The following C12orf42 variants were observed in gnomAD, a reference collection of about 807,000 sequenced individuals.
C12orf42 encodes chromosome 12 open reading frame 42, also known as uncharacterized protein C12orf42.
C12orf42 carries 25 observed loss-of-function variants against 21.6 expected under a neutral mutation model. The observed-to-expected ratio is 1.16, with a 90% CI of 0.84 to 1.62. The LOEUF (loss-of-function observed/expected upper bound fraction) is 1.62, where lower values mean the gene tolerates loss of function less well. Ranked by LOEUF, C12orf42 falls within the 40% of genes most tolerant of loss-of-function variation. The pLI is 0.00. For synonymous variants in C12orf42, 174 were observed against 175.0 expected (o/e 0.99, Z 0.05); for missense variants, 483 against 459.3 (o/e 1.05, Z -0.47).
intron 10 of C12orf42, among the ~76,000 whole-genome samples, chr12:103,246,849 T>C (rs964904008): frequency 2.0e-5 from 3 of 152,032 alleles, no homozygotes; most frequent in African/African-American, 7.2e-5. Context: ...CAGAGGCTCA[T>C]TATTGTAGGT....
intron 3 of C12orf42, among the ~76,000 whole-genome samples, chr12:103,381,532 C>T (rs2046170391): frequency 1.3e-5 from 2 of 152,190 alleles, no homozygotes; most frequent in African/African-American, 4.8e-5. Flanking sequence ...GTGTACTCAT[C>T]AGCACTCAGA....
At chr12:103,075,182 G>A in the C12orf42 span, among the ~76,000 whole-genome samples, 8 of 152,000 alleles carry the variant, frequency 5.3e-5, no homozygotes, top group Non-Finnish European at 1.0e-4. Context: ...TTTTCCCCAG[G>A]TTTAATGCTC....
At chr12:103,242,557 T>C (rs1278278193) in intron 10 of C12orf42, among the ~76,000 whole-genome samples, 1 of 152,126 alleles carries the variant, frequency 6.6e-6, no homozygotes, top group Non-Finnish European at 1.5e-5. Context: ...TTAAAAAAAT[T>C]TAAAAGGTCA....
At chr12:103,084,191 A>G in the C12orf42 span, among the ~76,000 whole-genome samples, 5 of 152,274 alleles carry the variant, frequency 3.3e-5, no homozygotes, top group Middle Eastern at 3.4e-3. Flanking sequence ...AATTGCTCCT[A>G]TCTGTTCAAT....
intron 5 of C12orf42, among the ~76,000 whole-genome samples, chr12:103,304,541 T>C (rs2038077141): frequency 6.6e-6 from 1 of 152,150 alleles, no homozygotes. Flanking sequence ...ATCAAGTACA[T>C]GGCAAGTGCT....
At chr12:103,332,712 G>A (rs564111493) in intron 4 of C12orf42, among the ~76,000 whole-genome samples, 1 of 152,216 alleles carries the variant, frequency 6.6e-6, no homozygotes, top group Non-Finnish European at 1.5e-5. Context: ...GATATGTAAA[G>A]GTCCCAACTG....
chr12:103,481,710 T>A (rs988811557), intron 1 of C12orf42, among the ~76,000 whole-genome samples: 3 of 151,970 alleles, frequency 2.0e-5, no homozygotes, highest in South Asian at 4.1e-4. Flanking sequence ...CCTTTTCTGT[T>A]TATTGTGATA....
At chr12:103,338,961 T>C (rs568162317) in intron 4 of C12orf42, among the ~76,000 whole-genome samples, 2 of 152,326 alleles carry the variant, frequency 1.3e-5, no homozygotes, top group African/African-American at 4.8e-5. Context: ...CTCCTAAAGA[T>C]ACACTAAAAA....
At chr12:103,060,004 TA>T in the C12orf42 span, among the ~76,000 whole-genome samples, 1 of 152,026 alleles carries the variant, frequency 6.6e-6, no homozygotes, top group Non-Finnish European at 1.5e-5. Flanking sequence ...GAGAAAGAAA[TA>T]AAGCATTTTC....
chr12:103,358,218 C>A lies in C12orf42; in HGVS notation c.259+10669G>T, dbSNP rs576454147. Among the ~76,000 whole-genome samples the A allele has an allele frequency of 3.9e-5, 6 of 152,210 alleles. No homozygotes were observed. In the East Asian group the frequency reaches 1.2e-3, roughly 29 times the overall value. ...CATTAGCCAGAACAAGTCATGTGGT[C>A]AAGCTGAGATCCAAAGGATAGAGAA... On this transcript the variant is annotated intron_variant, in intron 4 of 5. Transcript: ENST00000548883.
chr12:103,515,874 G>A, the C12orf42 span, among the ~76,000 whole-genome samples: 1 of 152,132 alleles, frequency 6.6e-6, no homozygotes, highest in Non-Finnish European at 1.5e-5. Flanking sequence ...AGGCAAATAG[G>A]ATTCTTAATC....
At chr12:103,158,392 A>C in the C12orf42 span, among the ~76,000 whole-genome samples, 1 of 152,184 alleles carries the variant, frequency 6.6e-6, no homozygotes. Context: ...ACCACTCAGC[A>C]CTGTAGAGAC....
chr12:103,318,419 C>T (rs963612358), intron 4 of C12orf42, among the ~76,000 whole-genome samples: 8 of 151,992 alleles, frequency 5.3e-5, no homozygotes, highest in African/African-American at 1.9e-4. Flanking sequence ...TATAGAATAC[C>T]CATTGTTTTC....
the C12orf42 span, among the ~76,000 whole-genome samples, chr12:103,562,932 C>T: frequency 0.01 from 1,586 of 152,306 alleles, 16 homozygotes; most frequent in Non-Finnish European, 0.017. Flanking sequence ...ACATTTTAAC[C>T]ATTGCCTCTG....
chr12:103,126,533 G>T, the C12orf42 span, among the ~76,000 whole-genome samples: 1 of 152,104 alleles, frequency 6.6e-6, no homozygotes, highest in Non-Finnish European at 1.5e-5. Context: ...CACCATGAGA[G>T]CTGTTATCAA....
At chr12:103,371,094 T>G (rs2045185158) in intron 3 of C12orf42, among the ~76,000 whole-genome samples, 1 of 152,158 alleles carries the variant, frequency 6.6e-6, no homozygotes, top group African/African-American at 2.4e-5. Flanking sequence ...GTGTTCAGGA[T>G]AGCATTAACT....
chr12:103,427,144 A>G (rs1405931192), intron 2 of C12orf42, among the ~76,000 whole-genome samples: 1 of 152,142 alleles, frequency 6.6e-6, no homozygotes, highest in Non-Finnish European at 1.5e-5. Context: ...AAATGCCCCA[A>G]TTAAAAGACA....
At chr12:103,529,489 C>A in the C12orf42 span, among the ~76,000 whole-genome samples, 5 of 152,144 alleles carry the variant, frequency 3.3e-5, no homozygotes, top group Admixed American at 3.3e-4. Flanking sequence ...TCTCAGGATA[C>A]CCGTTGCCAC....
At chr12:103,438,409 C>T (rs1278589631) in intron 2 of C12orf42, among the ~76,000 whole-genome samples, 3 of 151,962 alleles carry the variant, frequency 2.0e-5, no homozygotes, top group Admixed American at 1.3e-4. Flanking sequence ...CTGGCCAGGG[C>T]AATCAGGCAG....
Sources: allele counts gnomAD v4.1 joint callset (sites outside exome capture counted in the v4.1 genomes callset), GRCh38; gene constraint gnomAD v4.1.1; transcripts MANE v1.5; gene names NCBI Gene and HGNC (gene_info 2026-07-23, HGNC 2026-07-21).